PBXIP1: variants seen among roughly 807,000 people sequenced by gnomAD.
The protein encoded by PBXIP1 is PBX homeobox interacting protein 1, also known as pre-B-cell leukemia transcription factor-interacting protein 1.
A neutral mutation model predicts 73.7 loss-of-function variants in PBXIP1; 73 were observed. The observed-to-expected ratio is 0.99, with a 90% CI of 0.82 to 1.20. The LOEUF (loss-of-function observed/expected upper bound fraction) is 1.20, where lower values mean the gene tolerates loss of function less well. Ranked by LOEUF, PBXIP1 falls within the 50% of genes most tolerant of loss-of-function variation. The pLI is 0.00. For missense variants in PBXIP1, 818 were observed against 911.4 expected, an observed-to-expected ratio of 0.90 and a Z score of 1.32; for synonymous variants, 330 against 366.9, an observed-to-expected ratio of 0.90 and a Z score of 1.15.
intron 1 of PBXIP1, among the ~76,000 whole-genome samples, chr1:154,954,327 C>A (rs1311567342): frequency 1.3e-5 from 2 of 152,200 alleles, no homozygotes; most frequent in Non-Finnish European, 2.9e-5. Context: ...CTTGGCTGCA[C>A]ATTGGAATCA....
rs1204885040 is a variant in PBXIP1, at chr1:154,944,749, T to C, written c.*275A>G. The C allele has an allele frequency of 2.4e-6, 1 of 410,336 alleles. No individual in the cohort carries two copies. The highest frequency in any genetic ancestry group is 2.0e-5 in the African/African-American group (1 of 49,082). 25.4% of individuals were successfully genotyped at this position (410,336 alleles called of 1,614,324 possible). A position where few individuals can be genotyped will look rare whatever the true frequency, so the allele number is the denominator to read the frequency against. ...CCCCAGACCCCACCCCAAAACAGGC[T>C]CCTCTCCCATCTCCCCCTTCACAGT... On this transcript the variant is annotated 3_prime_UTR_variant, in exon 11 of 11. Transcript: ENST00000368463.
intron 2 of PBXIP1, among the ~76,000 whole-genome samples, chr1:154,952,670 G>A (rs1655047638): frequency 6.6e-6 from 1 of 152,098 alleles, no homozygotes; most frequent in South Asian, 2.1e-4. Context: ...CCCCTACAAG[G>A]CAAAAATCAT....
chr1:154,955,841 ACTC>A (rs1655160926), intron 1 of PBXIP1, among the ~76,000 whole-genome samples: 1 of 151,944 alleles, frequency 6.6e-6, no homozygotes, highest in African/African-American at 2.4e-5. Context: ...GTTAATTTAA[ACTC>A]CTCTAACAGT....
Position 154,951,250 on chromosome 1 carries a change from G to C in PBXIP1, c.391C>G (p.Pro131Ala), listed in dbSNP as rs764342410. The C allele has an allele frequency of 1.9e-6, 3 of 1,614,060 alleles. No individual in the cohort carries two copies. Among genetic ancestry groups the C allele is most frequent in the Non-Finnish European group, 2.5e-6 (3 of 1,179,968 alleles). ...CTCTCACCTGCTTTGGGGGTTGAAG[G>C]CAGGCTCTGTGGAGGGCTCTGGCCT... ...LEGQSPPQSL[P>A]STPKAAWIRE... Residue 131 changes from proline (P) to alanine (A), a missense_variant, in exon 5 of 11, where the codon CCT (proline) becomes GCT (alanine). Coordinates refer to ENST00000368463, the MANE Select transcript of PBXIP1 (RefSeq NM_020524.4). The surrounding 1 kb of genome is among the most constrained non-coding windows in gnomAD (Gnocchi z 4.3).
intron 2 of PBXIP1, among the ~76,000 whole-genome samples, chr1:154,952,485 T>G (rs886582394): frequency 2.0e-5 from 3 of 152,010 alleles, no homozygotes; most frequent in African/African-American, 7.2e-5. Flanking sequence ...CAGGGCACTC[T>G]CAGCCTGGAC....
intron 2 of PBXIP1, among the ~76,000 whole-genome samples, chr1:154,952,550 T>C (rs954221865): frequency 3.9e-5 from 6 of 152,158 alleles, no homozygotes; most frequent in African/African-American, 7.2e-5. Context: ...TCCCCTTCCA[T>C]AGGGCCCTGG....
At chr1:154,945,236 GTGGGAAAAACC>G (rs1654763234) in intron 10 of PBXIP1, 119 bp from the exon 11 acceptor site, 2 of 714,332 alleles carry the variant, frequency 2.8e-6, no homozygotes, top group African/African-American at 3.6e-5. Context: ...CCAAGCATAT[GTGGGAAAAACC>G]TGGTCTCCCA....
At position 154,946,714 on chromosome 1, in the gene PBXIP1, G is replaced by A. The variant is rs764378754; in HGVS notation, c.960C>T (p.Gly320=). Residue 320 remains glycine, a synonymous_variant, in exon 10 of 11, where the codon GGC becomes GGT. Coordinates refer to ENST00000368463, the MANE Select transcript of PBXIP1 (RefSeq NM_020524.4). ...ACTCCAGAGCCCGCTGGAAGGCTTC[G>A]CCCTGCTGCAGAGCCCCCCGGAGCT... The part of the protein sequence containing the change: ...NAQLRGALQQ[G]EAFQRALESE... 3.2e-5 allele frequency: 52 copies of A among 1,610,160 alleles called. No individual in the cohort carries two copies. Among genetic ancestry groups the A allele is most frequent in the South Asian group, 2.2e-5 (2 of 90,922 alleles).
In PBXIP1 at chr1:154,944,135, T is replaced by C. The variant is rs967299489; in HGVS notation, c.*889A>G. On this transcript the variant is annotated 3_prime_UTR_variant, in exon 11 of 11. Coordinates refer to ENST00000368463, the MANE Select transcript of PBXIP1 (RefSeq NM_020524.4). ...TCCCCAGCCCTTCCATCGCCTTTTTTGAGGATAAGAAACCCAAAGTTCCCA... is the reference window on the plus strand; with the variant it reads ...TCCCCAGCCCTTCCATCGCCTTTTTCGAGGATAAGAAACCCAAAGTTCCCA... 3 of 152,218 alleles carry C rather than the reference T, an allele frequency of 2.0e-5. No individual in the cohort carries two copies. Among genetic ancestry groups the C allele is most frequent in the East Asian group, 1.9e-4 (1 of 5,310 alleles). 9.4% of individuals were successfully genotyped at this position (152,218 alleles called of 1,614,324 possible). A position where few individuals can be genotyped will look rare whatever the true frequency, so the allele number is the denominator to read the frequency against.
chr1:154,945,796 C>T lies in PBXIP1; in HGVS notation c.1878G>A (p.Leu626=). The part of the protein sequence containing the change: ...ASLLRTYLAR[L]PWAGQLTKEL... Reference sequence around the variant, plus strand: ...CCTTGGTCAGCTGCCCAGCCCAGGGCAGCCGTGCCAAGTATGTTCTTAGCA... The same window carrying T: ...CCTTGGTCAGCTGCCCAGCCCAGGGTAGCCGTGCCAAGTATGTTCTTAGCA... Residue 626 remains leucine (L), a synonymous_variant, in exon 10 of 11, where the codon CTG becomes CTA. Transcript: ENST00000368463. 6.2e-7 allele frequency: 1 copy of T among 1,614,224 alleles called. No individual in the cohort carries two copies. Among genetic ancestry groups the T allele is most frequent in the Non-Finnish European group, 8.5e-7 (1 of 1,180,032 alleles).
chr1:154,953,541 C>G, intron 2 of PBXIP1, 130 bp downstream of exon 2: 1 of 633,460 alleles, frequency 1.6e-6, no homozygotes, highest in Middle Eastern at 2.6e-4. Context: ...TGGAATTCCT[C>G]TAACAGCCAG....
At position 154,946,045 on chromosome 1, in the gene PBXIP1, C is replaced by A; in HGVS notation, c.1629G>T (p.Arg543Ser). The A allele has an allele frequency of 6.2e-7, 1 of 1,614,174 alleles. No homozygotes were observed. The highest frequency in any genetic ancestry group is 8.5e-7 in the Non-Finnish European group (1 of 1,180,014). ...GKRQGPKEPP[R>S]KSGSFHSSGE... The stretch of plus-strand genomic sequence containing the variant: ...CAGAGGAGTGGAAGCTACCACTTTT[C>A]CTTGGGGGTTCCTTCGGGCCCTGTC... The change falls in exon 10 of 11, where the codon AGG becomes AGT. Residue 543 changes from arginine (R) to serine (S), a missense_variant. Arg to Ser is a moderately radical substitution (Grantham distance 110, BLOSUM62 -1). Transcript: ENST00000368463.
chr1:154,946,920 A>T, intron 9 of PBXIP1, 117 bp from the exon 10 acceptor site: 1 of 945,524 alleles, frequency 1.1e-6, no homozygotes, highest in Non-Finnish European at 1.6e-6. Flanking sequence ...CCCGTTTTAC[A>T]GCCTGGAACA....
chr1:154,946,163 T>G lies in PBXIP1; in HGVS notation c.1511A>C (p.Asn504Thr), dbSNP rs752188899. Residue 504 changes from asparagine (N) to threonine (T), a missense_variant, in exon 10 of 11, where the codon AAC (asparagine) becomes ACC (threonine). Transcript: ENST00000368463. ...CTCCCTGTCCTCCTGACCTCCCCAG[T>G]TCTTCTTCCTTTCCCGGCCAGATTC... Reference protein sequence around the residue: ...KEESGRERKKNWGGQEDREPA... With the variant: ...KEESGRERKKTWGGQEDREPA... 5.6e-6 allele frequency: 9 copies of G among 1,614,056 alleles called. No homozygotes were observed. The highest frequency in any genetic ancestry group is 2.5e-6 in the Non-Finnish European group (3 of 1,179,962).
chr1:154,951,142 G>C lies in PBXIP1; in HGVS notation c.409+90C>G, dbSNP rs926673774. On this transcript the variant is annotated intron_variant, in intron 5 of 10. Coordinates refer to ENST00000368463, the MANE Select transcript of PBXIP1 (RefSeq NM_020524.4). This position sits in a 1 kb window ranked among gnomAD's most constrained non-coding sequence, Gnocchi z 4.3. The stretch of plus-strand genomic sequence containing the variant: ...ACCAAGCTGCTCAGCCCTAGGGCCT[G>C]GACCACAGCATGTGCTCAGTAGTGA... The C allele has an allele frequency of 1.4e-4, 169 of 1,236,878 alleles. No homozygotes were observed. Among genetic ancestry groups the C allele is most frequent in the Admixed American group, 9.4e-4 (51 of 54,432 alleles). 76.6% of individuals were successfully genotyped at this position (1,236,878 alleles called of 1,614,324 possible).
intron 9 of PBXIP1, chr1:154,947,062 T>G (rs1654851045): frequency 1.8e-6 from 1 of 564,836 alleles, no homozygotes. Context: ...CACCTAAGGA[T>G]AGCCAATGTG....
Position 154,947,418 on chromosome 1 carries a change from T to A in PBXIP1, c.869A>T (p.Gln290Leu), listed in dbSNP as rs1485647090. ...CCAGCCCCTCCTGCCTGTGCCCACC[T>A]GCAGCTGGGCCTGCAGCAGCCGGAT... ...QDIRLLQAQLQAQKEELQSLM... is the reference protein window; with the variant it reads ...QDIRLLQAQLLAQKEELQSLM... Residue 290 changes from glutamine to leucine, a missense_variant and splice_region_variant, in exon 9 of 11, where the codon CAG becomes CTG. By Grantham distance (113) the Gln-to-Leu change is moderately radical. Transcript: ENST00000368463. 2.5e-6 allele frequency: 4 copies of A among 1,613,914 alleles called. No homozygotes were observed. The South Asian group carries it at 4.4e-5, about 18-fold the overall frequency.
intron 9 of PBXIP1, 40 bp from the exon 10 acceptor site, chr1:154,946,843 C>T (rs571786777): frequency 9.3e-6 from 14 of 1,504,974 alleles, no homozygotes; most frequent in Non-Finnish European, 1.2e-5. Flanking sequence ...ACAAAGAGTT[C>T]TTGTCAGGAT....
rs531728166 is a variant in PBXIP1, at chr1:154,954,390, T to TA, written c.-36-634dup. 4.6e-3 allele frequency among the ~76,000 whole-genome samples: 696 copies of TA among 152,270 alleles called. 7 individuals carry two copies. Among genetic ancestry groups the TA allele is most frequent in the African/African-American group, 0.016 (656 of 41,542 alleles). On this transcript the variant is annotated intron_variant, in intron 1 of 10. Coordinates refer to ENST00000368463, the MANE Select transcript of PBXIP1 (RefSeq NM_020524.4). Reference sequence around the variant, plus strand: ...GGGGTAGGCCCGGCTGTGGGTCTTTTAAAAAACCACTCAAATGATTCTCAT... The same window carrying TA: ...GGGGTAGGCCCGGCTGTGGGTCTTTTAAAAAAACCACTCAAATGATTCTCAT...
Sources: gnomAD v4.1 joint callset for allele counts (sites outside exome capture counted in the v4.1 genomes callset) on GRCh38, gnomAD v4.1.1 for gene constraint, Gnocchi (gnomAD v3.1) non-coding constraint, MANE v1.5 for transcripts, NCBI Gene and HGNC (gene_info 2026-07-23, HGNC 2026-07-21) for gene names.